The following CYP4F12 variants were observed in gnomAD, a reference collection of about 807,000 sequenced individuals.
CYP4F12 encodes cytochrome P450 4F12.
In CYP4F12, 60 loss-of-function variants were observed where a neutral mutation model predicts 56.5. That is an observed-to-expected ratio of 1.06 (90% CI 0.86 to 1.32). The LOEUF (loss-of-function observed/expected upper bound fraction) is 1.32, where lower values mean the gene tolerates loss of function less well. Ranked by LOEUF, CYP4F12 falls within the 40% of genes most tolerant of loss-of-function variation. CYP4F12 has a pLI of 0.00. For synonymous variants in CYP4F12, 263 were observed against 264.9 expected, an observed-to-expected ratio of 0.99 and a Z score of 0.07; for missense variants, 711 against 683.5, an observed-to-expected ratio of 1.04 and a Z score of -0.45.
intron 5 of CYP4F12, 72 bp from the exon 6 acceptor site, chr19:15,682,317 T>A: frequency 6.3e-7 from 1 of 1,585,098 alleles, no homozygotes; most frequent in Non-Finnish European, 8.6e-7. Context: ...GAGTCCATCC[T>A]GATGTTTGGG....
intron 2 of CYP4F12, among the ~76,000 whole-genome samples, chr19:15,675,389 T>C (rs115551249): frequency 0.025 from 3,730 of 152,152 alleles, 16 homozygotes; most frequent in African/African-American, 0.086. Flanking sequence ...GAGTCACCTC[T>C]GCTCCCCTGG....
chr19:15,692,527 T>A (rs1163450242), intron 9 of CYP4F12, among the ~76,000 whole-genome samples: 1 of 152,116 alleles, frequency 6.6e-6, no homozygotes, highest in Non-Finnish European at 1.5e-5. Context: ...GGTATCTGTA[T>A]CAAGAGAAAA....
chr19:15,688,295 T>A (rs676571), intron 9 of CYP4F12, among the ~76,000 whole-genome samples: 42,919 of 151,366 alleles, frequency 0.28, 6,573 homozygotes, highest in African/African-American at 0.4. Context: ...CACCTCTGGA[T>A]CATTACCCCA....
At position 15,683,675 on chromosome 19, in the gene CYP4F12, C is replaced by T; in HGVS notation, c.830C>T (p.Thr277Ile). ...TDAVIRERRR[T>I]LPTQGIDDFF... ...GCTGTCATCCGGGAGCGGCGTCGCA[C>T]CCTCCCCACTCAGGGTATTGATGAT... Residue 277 changes from threonine to isoleucine, a missense_variant, in exon 7 of 13, where the codon ACC (threonine) becomes ATC (isoleucine). Coordinates refer to ENST00000550308, the MANE Select transcript of CYP4F12 (RefSeq NM_023944.4). The T allele has an allele frequency of 6.2e-7, 1 of 1,613,418 alleles. No individual in the cohort carries two copies. The highest frequency in any genetic ancestry group is 8.5e-7 in the Non-Finnish European group (1 of 1,179,730).
rs781561176 is a variant in CYP4F12, at chr19:15,683,666, G to A, written c.821G>A (p.Arg274Gln). 4.0e-5 allele frequency: 64 copies of A among 1,613,472 alleles called. No individual in the cohort carries two copies. The highest frequency in any genetic ancestry group is 3.3e-4 in the Middle Eastern group (2 of 6,080). ...HDFTDAVIRE[R>Q]RRTLPTQGID... ...TTCACAGACGCTGTCATCCGGGAGC[G>A]GCGTCGCACCCTCCCCACTCAGGGT... Residue 274 changes from arginine to glutamine, a missense_variant, in exon 7 of 13, where the codon CGG becomes CAG. Transcript: ENST00000550308.
At chr19:15,674,895 T>C (rs2006843652) in intron 2 of CYP4F12, among the ~76,000 whole-genome samples, 1 of 152,204 alleles carries the variant, frequency 6.6e-6, no homozygotes, top group East Asian at 1.9e-4. Context: ...TCTCCTGGCA[T>C]TCCCACCTTC....
intron 3 of CYP4F12, among the ~76,000 whole-genome samples, chr19:15,679,090 G>A (rs1487359313): frequency 6.6e-6 from 1 of 152,076 alleles, no homozygotes; most frequent in Non-Finnish European, 1.5e-5. Flanking sequence ...TCTCATCCTT[G>A]GACACACCAG....
intron 9 of CYP4F12, among the ~76,000 whole-genome samples, chr19:15,695,661 A>G (rs1474803153): frequency 6.6e-6 from 1 of 152,026 alleles, no homozygotes; most frequent in African/African-American, 2.4e-5. Flanking sequence ...GCCATAGACA[A>G]TATTTATTTT....
At chr19:15,687,520 G>C (rs1005530143) in intron 9 of CYP4F12, among the ~76,000 whole-genome samples, 3 of 152,218 alleles carry the variant, frequency 2.0e-5, no homozygotes, top group Admixed American at 1.3e-4. Flanking sequence ...GAGATTCACA[G>C]TGTAAGCTTT....
intron 2 of CYP4F12, among the ~76,000 whole-genome samples, chr19:15,677,067 CTGTCCT>C (rs1230370984): frequency 5.5e-5 from 8 of 144,444 alleles, no homozygotes; most frequent in Non-Finnish European, 4.6e-5. Flanking sequence ...TCAGTCATTC[CTGTCCT>C]CACTCACTCA....
intron 6 of CYP4F12, among the ~76,000 whole-genome samples, chr19:15,682,981 C>T (rs774563651): frequency 1.3e-5 from 2 of 152,088 alleles, no homozygotes; most frequent in Non-Finnish European, 2.9e-5. Flanking sequence ...AGGTGATGTG[C>T]CCTCTTTGGC....
At chr19:15,676,310 TG>T (rs2006916472) in intron 2 of CYP4F12, among the ~76,000 whole-genome samples, 1 of 149,230 alleles carries the variant, frequency 6.7e-6, no homozygotes, top group Non-Finnish European at 1.5e-5. Context: ...CTCATTCCTG[TG>T]CCCATTCACT....
At chr19:15,692,049 C>T (rs1458978220) in intron 9 of CYP4F12, among the ~76,000 whole-genome samples, 2 of 152,094 alleles carry the variant, frequency 1.3e-5, no homozygotes, top group Non-Finnish European at 2.9e-5. Flanking sequence ...CCTCCTGCCT[C>T]TCTGGTTCAA....
At chr19:15,674,777 C>T (rs1186782185) in intron 2 of CYP4F12, among the ~76,000 whole-genome samples, 2 of 152,162 alleles carry the variant, frequency 1.3e-5, no homozygotes, top group Non-Finnish European at 2.9e-5. Context: ...TTTCTCACCT[C>T]CCTGTCCTCC....
Position 15,696,958 on chromosome 19 carries a change from C to T in CYP4F12, c.1448C>T (p.Ala483Val), listed in dbSNP as rs1442690573. 1.2e-6 allele frequency: 2 copies of T among 1,614,152 alleles called. No individual in the cohort carries two copies. Among genetic ancestry groups the T allele is most frequent in the East Asian group, 2.2e-5 (1 of 44,876 alleles). ...ATGGCGGAGATGAAAGTGGTCCTGG[C>T]GTTGATGCTGCTGCACTTCCGGTTC... ...FAMAEMKVVL[A>V]LMLLHFRFLP... Residue 483 changes from alanine (A) to valine (V), a missense_variant, in exon 13 of 13, where the codon GCG becomes GTG. Coordinates refer to ENST00000550308, the MANE Select transcript of CYP4F12 (RefSeq NM_023944.4).
chr19:15,692,424 T>C (rs2007913399), intron 9 of CYP4F12, among the ~76,000 whole-genome samples: 1 of 152,188 alleles, frequency 6.6e-6, no homozygotes, highest in Non-Finnish European at 1.5e-5. Flanking sequence ...TTTCTTTTAT[T>C]ATCTTTTCAT....
At chr19:15,683,397 T>A (rs973797031) in intron 6 of CYP4F12, 96 bp from the exon 7 acceptor site, 19 of 1,334,724 alleles carry the variant, frequency 1.4e-5, no homozygotes, top group Admixed American at 2.3e-5. Flanking sequence ...ATACTCAGTT[T>A]CCTGATGGGA....
At chr19:15,684,980 CCCCT>C (rs1265305803) in intron 8 of CYP4F12, 84 bp from the exon 9 acceptor site, 6 of 1,569,736 alleles carry the variant, frequency 3.8e-6, no homozygotes, top group Non-Finnish European at 5.2e-6. Flanking sequence ...GCCCATCTTC[CCCCT>C]CCCTCCATCC....
At chr19:15,679,344 C>G (rs1303919472) in intron 3 of CYP4F12, among the ~76,000 whole-genome samples, 2 of 152,214 alleles carry the variant, frequency 1.3e-5, no homozygotes, top group Non-Finnish European at 2.9e-5. Flanking sequence ...GATCTGTCTC[C>G]TTTTCTTAAT....
Sources: allele counts gnomAD v4.1 joint callset (sites outside exome capture counted in the v4.1 genomes callset), GRCh38; gene constraint gnomAD v4.1.1; transcripts MANE v1.5; gene names NCBI Gene and HGNC (gene_info 2026-07-23, HGNC 2026-07-21).